PAPOLG: variants seen among roughly 807,000 people sequenced by gnomAD.
PAPOLG encodes the protein poly(A) polymerase gamma, also known as PAP-gamma.
Under a neutral mutation model 99.0 loss-of-function variants are expected in PAPOLG, and 40 were observed. The ratio of observed to expected loss-of-function variants is 0.40; its 90% confidence interval spans 0.31 to 0.53. The LOEUF (loss-of-function observed/expected upper bound fraction) is 0.53. Ranked by LOEUF, PAPOLG falls within the 20% of genes least tolerant of loss-of-function variation. The pLI is 0.41. For synonymous variants in PAPOLG, 310 were observed against 299.3 expected, an observed-to-expected ratio of 1.04 and a Z score of -0.37; for missense variants, 675 against 884.1, an observed-to-expected ratio of 0.76 and a Z score of 3.00.
chr2:60,793,764 A>C, intron 18 of PAPOLG, 49 bp downstream of exon 18: 1 of 1,556,912 alleles, frequency 6.4e-7, no homozygotes, highest in Non-Finnish European at 8.7e-7. Flanking sequence ...ACAAAAAATT[A>C]GCTAGGCATG....
chr2:60,761,946 A>G lies in PAPOLG; in HGVS notation c.246+139A>G. On this transcript the variant is annotated intron_variant, in intron 3 of 21. Coordinates refer to ENST00000238714, the MANE Select transcript of PAPOLG (RefSeq NM_022894.4). The stretch of plus-strand genomic sequence containing the variant: ...GGTATATGTAGGAATGAATTGGTCT[A>G]GACAGTTGAATTTCTAAGTAGATGA... 3 of 679,688 alleles carry G rather than the reference A, an allele frequency of 4.4e-6. No homozygotes were observed. The South Asian group carries it at 5.8e-5, about 13-fold the overall frequency. 42.1% of individuals were successfully genotyped at this position (679,688 alleles called of 1,614,324 possible). A position where few individuals can be genotyped will look rare whatever the true frequency, so the allele number is the denominator to read the frequency against.
chr2:60,779,809 T>G, intron 9 of PAPOLG, 34 bp downstream of exon 9: 1 of 1,564,404 alleles, frequency 6.4e-7, no homozygotes, highest in Non-Finnish European at 8.8e-7. Context: ...GACTGTTTAC[T>G]AATCTCTACC....
chr2:60,762,787 G>C lies in PAPOLG; in HGVS notation c.246+980G>C, dbSNP rs576655030. ...GACTACAGACGTGTACCACCACACC[G>C]GGCTAATTTTTGTATTTTTAGTAGA... On this transcript the variant is annotated intron_variant, in intron 3 of 21. Transcript: ENST00000238714. 7.3e-5 allele frequency among the ~76,000 whole-genome samples: 11 copies of C among 151,348 alleles called. No individual in the cohort carries two copies. In the East Asian group the frequency reaches 2.1e-3, roughly 29 times the overall value.
At position 60,756,330 on chromosome 2, in the gene PAPOLG, G is replaced by C; in HGVS notation, c.-149G>C. 1.1e-6 allele frequency: 1 copy of C among 936,384 alleles called. No individual in the cohort carries two copies. The highest frequency in any genetic ancestry group is 1.7e-6 in the Non-Finnish European group (1 of 579,646). 58.0% of individuals were successfully genotyped at this position (936,384 alleles called of 1,614,324 possible). On this transcript the variant is annotated 5_prime_UTR_variant, in exon 1 of 22. Transcript: ENST00000238714. ...CGGTTTTGTGGTGTTTTCACTACTCGGTTGGATGCCTCAGCCATAGTAAGT... is the reference window on the plus strand; with the variant it reads ...CGGTTTTGTGGTGTTTTCACTACTCCGTTGGATGCCTCAGCCATAGTAAGT...
chr2:60,774,393 TCTCA>T (rs902917183), intron 7 of PAPOLG, among the ~76,000 whole-genome samples: 9 of 144,564 alleles, frequency 6.2e-5, no homozygotes, highest in African/African-American at 2.3e-4. Context: ...TGAGACAGAG[TCTCA>T]CTCTATTGCC....
intron 19 of PAPOLG, chr2:60,794,440 C>G: frequency 1.7e-6 from 1 of 574,744 alleles, no homozygotes; most frequent in Non-Finnish European, 3.0e-6. Context: ...AATCTCATTT[C>G]TTGTGTGTTG....
chr2:60,771,138 C>T (rs1670840748), intron 6 of PAPOLG, among the ~76,000 whole-genome samples: 2 of 152,034 alleles, frequency 1.3e-5, no homozygotes, highest in Non-Finnish European at 2.9e-5. Flanking sequence ...TGAATTTTGC[C>T]TTTAACATCA....
chr2:60,789,958 G>C (rs1008170979), intron 15 of PAPOLG, among the ~76,000 whole-genome samples: 3 of 152,194 alleles, frequency 2.0e-5, no homozygotes, highest in African/African-American at 7.2e-5. Flanking sequence ...GCCAGGTGTG[G>C]TGGCGGGTGC....
chr2:60,797,515 T>C lies in PAPOLG; in HGVS notation c.*355T>C. On this transcript the variant is annotated 3_prime_UTR_variant, in exon 22 of 22. Transcript: ENST00000238714. ...ACAAGTCCTGAACTCCTTTTTTGTTTTGTTTTTTGTGTTTTTCTTTTTTTG... is the reference window on the plus strand; with the variant it reads ...ACAAGTCCTGAACTCCTTTTTTGTTCTGTTTTTTGTGTTTTTCTTTTTTTG... 1 of 185,476 alleles carries C rather than the reference T, an allele frequency of 5.4e-6. No homozygotes were observed. Among genetic ancestry groups the C allele is most frequent in the Non-Finnish European group, 1.1e-5 (1 of 93,154 alleles). 11.5% of individuals were successfully genotyped at this position (185,476 alleles called of 1,614,324 possible).
chr2:60,795,344 T>G, intron 21 of PAPOLG: 1 of 499,340 alleles, frequency 2.0e-6, no homozygotes, highest in Non-Finnish European at 3.9e-6. Flanking sequence ...GAGGTATATC[T>G]CTGTTGTGTA....
rs1671818403 is a variant in PAPOLG, at chr2:60,800,602, G to A, written c.*3442G>A. The A allele has an allele frequency of 6.6e-6, 1 of 152,246 alleles. No individual in the cohort carries two copies. The highest frequency in any genetic ancestry group is 2.1e-4 in the South Asian group (1 of 4,814). 9.4% of individuals were successfully genotyped at this position (152,246 alleles called of 1,614,324 possible). On this transcript the variant is annotated 3_prime_UTR_variant, in exon 22 of 22. Transcript: ENST00000238714. ...CTATAGTAGCAATTAGGTAAAGATG[G>A]GCAATATCAAAATGGGCTAAACTTA... is the stretch of plus-strand genomic sequence containing the variant.
chr2:60,761,624 A>G (rs964359435), intron 2 of PAPOLG, 117 bp from the exon 3 acceptor site: 50 of 821,214 alleles, frequency 6.1e-5, no homozygotes, highest in Non-Finnish European at 9.3e-5. Context: ...GCATTATCAC[A>G]TATATGTTAT....
At chr2:60,768,670 A>G in intron 4 of PAPOLG, 111 bp from the exon 5 acceptor site, 5 of 1,337,600 alleles carry the variant, frequency 3.7e-6, no homozygotes, top group Non-Finnish European at 5.1e-6. Flanking sequence ...CATTGTTAAC[A>G]TTTTCTTGTA....
At chr2:60,775,471 G>A (rs976477778) in intron 8 of PAPOLG, among the ~76,000 whole-genome samples, 5 of 152,102 alleles carry the variant, frequency 3.3e-5, no homozygotes, top group Admixed American at 6.5e-5. Flanking sequence ...TACTGTAGTA[G>A]GTGTTCATTA....
Position 60,797,802 on chromosome 2 carries a change from G to C in PAPOLG, c.*642G>C, listed in dbSNP as rs547931816. On this transcript the variant is annotated 3_prime_UTR_variant, in exon 22 of 22. Transcript: ENST00000238714. ...TGCCTTTCTGTCCAAATGTTGCATAGTTACCAGGGAAGATTAGTCCAGTGA... is the reference window on the plus strand; with the variant it reads ...TGCCTTTCTGTCCAAATGTTGCATACTTACCAGGGAAGATTAGTCCAGTGA... 2.0e-5 allele frequency: 3 copies of C among 152,676 alleles called. No homozygotes were observed. The highest frequency in any genetic ancestry group is 4.4e-5 in the Non-Finnish European group (3 of 68,032). The allele number at this position is 152,676 out of a possible 1,614,324, so 9.5% of individuals were successfully genotyped here.
intron 3 of PAPOLG, among the ~76,000 whole-genome samples, chr2:60,762,418 G>A (rs1459303134): frequency 2.6e-5 from 4 of 151,856 alleles, no homozygotes; most frequent in East Asian, 3.9e-4. Context: ...GGTATCCTCC[G>A]GGGGATTGGT....
chr2:60,765,187 G>GC (rs34698598), intron 3 of PAPOLG, among the ~76,000 whole-genome samples: 28 of 150,156 alleles, frequency 1.9e-4, no homozygotes, highest in East Asian at 3.9e-4. Flanking sequence ...TCTCACCCCA[G>GC]CCCCCCAAGT....
chr2:60,768,742 CATA>C, intron 4 of PAPOLG, 36 bp from the exon 5 acceptor site: 1 of 1,467,822 alleles, frequency 6.8e-7, no homozygotes, highest in Non-Finnish European at 9.2e-7. Flanking sequence ...GAATATAACA[CATA>C]ATATATTCTT....
chr2:60,774,625 C>G (rs752348075), intron 7 of PAPOLG, among the ~76,000 whole-genome samples: 2 of 152,110 alleles, frequency 1.3e-5, no homozygotes, highest in Non-Finnish European at 2.9e-5. Flanking sequence ...CTCAGCCTAC[C>G]AAAGGGCTGG....
Sources: allele counts gnomAD v4.1 joint callset (sites outside exome capture counted in the v4.1 genomes callset), GRCh38; gene constraint gnomAD v4.1.1; transcripts MANE v1.5; gene names NCBI Gene and HGNC (gene_info 2026-07-23, HGNC 2026-07-21).